GRIK4: variants seen among roughly 807,000 people sequenced by gnomAD.
The protein encoded by GRIK4 is glutamate receptor ionotropic, kainate 4.
A neutral mutation model predicts 104.9 loss-of-function variants in GRIK4; 40 were observed. The ratio of observed to expected loss-of-function variants is 0.38; its 90% confidence interval spans 0.30 to 0.50. GRIK4 has a LOEUF of 0.50. GRIK4 is among the 20% of genes least tolerant of loss of function. The pLI is 0.93. For missense variants in GRIK4, 1,047 were observed against 1,308.1 expected (o/e 0.80, Z 3.08); for synonymous variants, 485 against 524.9 (o/e 0.92, Z 1.04).
rs964071688 is a variant in GRIK4, at chr11:120,690,496, C to T, written c.82+30096C>T. 8.5e-5 allele frequency among the ~76,000 whole-genome samples: 13 copies of T among 152,250 alleles called. No individual in the cohort carries two copies. The South Asian group carries it at 1.0e-3, about 12-fold the overall frequency. ...CCCACACTGCAGCAAGAACTGGCTG[C>T]GCCAATCTCTTTTTATTCTAAGAGT... On this transcript the variant is annotated intron_variant, in intron 3 of 20. Coordinates refer to ENST00000527524, the MANE Select transcript of GRIK4 (RefSeq NM_014619.5).
intron 1 of GRIK4, among the ~76,000 whole-genome samples, chr11:120,512,132 A>T (rs941775814): frequency 6.8e-6 from 1 of 147,492 alleles, no homozygotes; most frequent in Non-Finnish European, 1.5e-5. Context: ...TTCGCCGCCG[A>T]ACCCCCCACC....
intron 12 of GRIK4, among the ~76,000 whole-genome samples, chr11:120,900,466 A>C (rs969127354): frequency 6.6e-6 from 1 of 152,170 alleles, no homozygotes; most frequent in Non-Finnish European, 1.5e-5. Flanking sequence ...TGCATCCATG[A>C]ACCAAAAAGA....
intron 1 of GRIK4, among the ~76,000 whole-genome samples, chr11:120,601,973 C>T (rs968300589): frequency 4.6e-5 from 7 of 152,098 alleles, no homozygotes; most frequent in Admixed American, 3.9e-4. Flanking sequence ...CCCCTGACTC[C>T]TACAGGTCTG....
At chr11:120,587,483 A>T (rs1368197891) in intron 1 of GRIK4, among the ~76,000 whole-genome samples, 1 of 152,226 alleles carries the variant, frequency 6.6e-6, no homozygotes, top group Admixed American at 6.5e-5. Flanking sequence ...CAAAATAGGG[A>T]TAATGGTATG....
At chr11:120,855,610 G>A (rs1954084853) in intron 8 of GRIK4, among the ~76,000 whole-genome samples, 1 of 150,446 alleles carries the variant, frequency 6.6e-6, no homozygotes, top group African/African-American at 2.4e-5. Flanking sequence ...CCAGGCTGGA[G>A]TGCAGTGGCA....
chr11:120,783,691 G>C (rs7109584), intron 3 of GRIK4, among the ~76,000 whole-genome samples: 1 of 151,790 alleles, frequency 6.6e-6, no homozygotes, highest in African/African-American at 2.4e-5. Flanking sequence ...CTTTCCCCTC[G>C]TCCCTCTATG....
At chr11:120,898,806 A>G (rs1423474856) in intron 12 of GRIK4, among the ~76,000 whole-genome samples, 167 bp downstream of exon 12, 1 of 152,114 alleles carries the variant, frequency 6.6e-6, no homozygotes, top group Non-Finnish European at 1.5e-5. Flanking sequence ...TATGGAAATG[A>G]TATTTGATGA....
At chr11:120,792,779 A>G (rs559878708) in intron 3 of GRIK4, among the ~76,000 whole-genome samples, 1 of 152,266 alleles carries the variant, frequency 6.6e-6, no homozygotes, top group South Asian at 2.1e-4. Context: ...GTCTTCCTAA[A>G]TTTGAGATGC....
Position 120,581,716 on chromosome 11 carries a change from C to A in GRIK4, c.-159+69829C>A, listed in dbSNP as rs551818150. Among the ~76,000 whole-genome samples, 5 of 152,142 alleles carry A rather than the reference C, an allele frequency of 3.3e-5. No individual in the cohort carries two copies. The South Asian group carries it at 1.0e-3, about 32-fold the overall frequency. ...TATCATAATGTCCTCAAGGTTCATTCATGTTGTAACATGTGTCAGAATTTC... is the reference window on the plus strand; with the variant it reads ...TATCATAATGTCCTCAAGGTTCATTAATGTTGTAACATGTGTCAGAATTTC... On this transcript the variant is annotated intron_variant, in intron 1 of 20. Coordinates refer to ENST00000527524, the MANE Select transcript of GRIK4 (RefSeq NM_014619.5).
At chr11:120,899,902 G>A (rs899339590) in intron 12 of GRIK4, among the ~76,000 whole-genome samples, 1 of 152,200 alleles carries the variant, frequency 6.6e-6, no homozygotes, top group South Asian at 2.1e-4. Context: ...AACTGTGCAA[G>A]GTCTGCAAAT....
intron 1 of GRIK4, among the ~76,000 whole-genome samples, chr11:120,575,073 A>G (rs1479571285): frequency 6.6e-6 from 1 of 152,202 alleles, no homozygotes; most frequent in Non-Finnish European, 1.5e-5. Flanking sequence ...GGAAGAGAAG[A>G]ATGGGCTCCC....
At chr11:120,813,470 A>G (rs1419895841) in intron 4 of GRIK4, among the ~76,000 whole-genome samples, 2 of 152,178 alleles carry the variant, frequency 1.3e-5, no homozygotes, top group Admixed American at 6.5e-5. Context: ...AGACTCTTCA[A>G]AGATGAAGCC....
intron 6 of GRIK4, among the ~76,000 whole-genome samples, chr11:120,831,056 G>A (rs886791876): frequency 6.6e-6 from 1 of 152,128 alleles, no homozygotes; most frequent in Non-Finnish European, 1.5e-5. Context: ...GGGAGGGCAG[G>A]GGTAGGTCCT....
Position 120,742,503 on chromosome 11 carries a change from C to CTAT in GRIK4, c.83-60167_83-60165dup, listed in dbSNP as rs746590214. Among the ~76,000 whole-genome samples, 85 of 140,750 alleles carry CTAT rather than the reference C, an allele frequency of 6.0e-4. 1 individual carries two copies. The East Asian group carries it at 0.013, about 22-fold the overall frequency. The allele number at this position is 140,750 out of a possible 152,430, so 92.3% of individuals were successfully genotyped here. On this transcript the variant is annotated intron_variant, in intron 3 of 20. Transcript: ENST00000527524. Reference sequence around the variant, plus strand: ...TACCATCTCACACGTTTCAGAATGGCTATTATTATTATTATTATTATTATT... The same window carrying CTAT: ...TACCATCTCACACGTTTCAGAATGGCTATTATTATTATTATTATTATTATTATT...
At position 120,513,289 on chromosome 11, in the gene GRIK4, C is replaced by T. The variant is rs1947684271; in HGVS notation, c.-159+1402C>T. Among the ~76,000 whole-genome samples the T allele has an allele frequency of 6.6e-6, 1 of 152,180 alleles. No individual in the cohort carries two copies. The highest frequency in any genetic ancestry group is 2.4e-5 in the African/African-American group (1 of 41,438). ...TGGTTGGTAGTGACACTTCTAGGAG[C>T]ACCGGGAAACTGCGGGCGTGGTATC... On this transcript the variant is annotated intron_variant, in intron 1 of 20. Transcript: ENST00000527524. This position sits in a 1 kb window ranked among gnomAD's most constrained non-coding sequence, Gnocchi z 4.5.
Position 120,986,914 on chromosome 11 carries a change from C to G in GRIK4, c.*654C>G, listed in dbSNP as rs1944765166. 1 of 151,932 alleles carries G rather than the reference C, an allele frequency of 6.6e-6. No individual in the cohort carries two copies. The highest frequency in any genetic ancestry group is 1.5e-5 in the Non-Finnish European group (1 of 68,062). 9.4% of individuals were successfully genotyped at this position (151,932 alleles called of 1,614,324 possible). On this transcript the variant is annotated 3_prime_UTR_variant, in exon 21 of 21. Transcript: ENST00000527524. ...TGCATCCGATTTCAGGTGCTTAACT[C>G]TCTGTATGGTGACTGAGGGGCCTGC...
At position 120,952,802 on chromosome 11, in the gene GRIK4, G is replaced by A. The variant is rs954236789; in HGVS notation, c.1591-53G>A. On this transcript the variant is annotated intron_variant, in intron 14 of 20. Coordinates refer to ENST00000527524, the MANE Select transcript of GRIK4 (RefSeq NM_014619.5). The surrounding 1 kb of genome is among the most constrained non-coding windows in gnomAD (Gnocchi z 5.2). Reference sequence around the variant, plus strand: ...CTCTACCCCGCCCTGCCTGCCCCAAGGTCATGTTGACTGAATATGTGCGGT... The same window carrying A: ...CTCTACCCCGCCCTGCCTGCCCCAAAGTCATGTTGACTGAATATGTGCGGT... 1.6e-5 allele frequency: 20 copies of A among 1,263,096 alleles called. No homozygotes were observed. The highest frequency in any genetic ancestry group is 4.4e-5 in the African/African-American group (3 of 68,702). 78.2% of individuals were successfully genotyped at this position (1,263,096 alleles called of 1,614,324 possible). A position where few individuals can be genotyped will look rare whatever the true frequency, so the allele number is the denominator to read the frequency against.
chr11:120,615,346 G>A (rs1949097458), intron 1 of GRIK4, among the ~76,000 whole-genome samples: 1 of 152,200 alleles, frequency 6.6e-6, no homozygotes, highest in African/African-American at 2.4e-5. Context: ...GGCTACTTCT[G>A]TGGGCCTCCT....
chr11:120,929,007 ATGTG>A (rs1158343359), intron 13 of GRIK4, among the ~76,000 whole-genome samples: 5 of 135,042 alleles, frequency 3.7e-5, no homozygotes, highest in South Asian at 2.4e-4. Context: ...GCACGCGTGT[ATGTG>A]TGTGTGCGCA....
Sources: gnomAD v4.1 joint callset for allele counts (sites outside exome capture counted in the v4.1 genomes callset) on GRCh38, gnomAD v4.1.1 for gene constraint, Gnocchi (gnomAD v3.1) non-coding constraint, MANE v1.5 for transcripts, NCBI Gene and HGNC (gene_info 2026-07-23, HGNC 2026-07-21) for gene names.